Variants in IQGAP2 observed in about 807,000 individuals in gnomAD.
IQGAP2 encodes the protein ras GTPase-activating-like protein IQGAP2.
IQGAP2 carries 173 observed loss-of-function variants against 201.3 expected under a neutral mutation model. The ratio of observed to expected loss-of-function variants is 0.86; its 90% CI spans 0.76 to 0.98. The LOEUF is 0.98. Among genes scored for constraint, IQGAP2 ranks in the 50% least tolerant of loss-of-function variants. The pLI, the probability that IQGAP2 is intolerant of heterozygous loss-of-function variation, is 0.00. For synonymous variants in IQGAP2, 675 were observed against 673.9 expected (o/e 1.00, Z -0.03); for missense variants, 1,687 against 1,864.8 (o/e 0.90, Z 1.76).
chr5:76,668,625 A>G (rs1259682949), intron 22 of IQGAP2, 56 bp from the exon 23 acceptor site: 2 of 1,403,062 alleles, frequency 1.4e-6, no homozygotes, highest in African/African-American at 2.9e-5. Flanking sequence ...TTAATAATAT[A>G]TTAACTTATT....
chr5:76,684,826 G>T (rs1350048608), intron 30 of IQGAP2, among the ~76,000 whole-genome samples: 1 of 152,130 alleles, frequency 6.6e-6, no homozygotes, highest in African/African-American at 2.4e-5. Flanking sequence ...AATGAAGACA[G>T]CATTCATCTC....
intron 8 of IQGAP2, among the ~76,000 whole-genome samples, chr5:76,592,390 G>C (rs1746720970): frequency 6.6e-6 from 1 of 152,070 alleles, no homozygotes; most frequent in Admixed American, 6.5e-5. Context: ...CATTGATTAT[G>C]ATCTCTTTGC....
chr5:76,650,169 A>G (rs1752405288), intron 17 of IQGAP2, among the ~76,000 whole-genome samples: 1 of 152,342 alleles, frequency 6.6e-6, no homozygotes, highest in Non-Finnish European at 1.5e-5. Flanking sequence ...TCAGTTCAAC[A>G]TGAGATTTGG....
Position 76,589,641 on chromosome 5 carries a change from G to A in IQGAP2, c.553G>A (p.Glu185Lys), listed in dbSNP as rs201127307. 6.2e-7 allele frequency: 1 copy of A among 1,602,994 alleles called. No homozygotes were observed. Among genetic ancestry groups the A allele is most frequent in the African/African-American group, 1.3e-5 (1 of 74,638 alleles). Residue 185 changes from glutamate (E) to lysine (K), a missense_variant, in exon 7 of 36, where the codon GAA becomes AAA. Coordinates refer to ENST00000274364, the MANE Select transcript of IQGAP2 (RefSeq NM_006633.5). ...TEEEISNMRK[E>K]LEKYGIQMPS... ...GGAGGAAATCAGTAATATGAGAAAA[G>A]AACTTGAGAAATATGGAATACAGAT...
intron 1 of IQGAP2, among the ~76,000 whole-genome samples, chr5:76,436,073 C>T (rs1752629771): frequency 6.6e-6 from 1 of 152,032 alleles, no homozygotes; most frequent in Non-Finnish European, 1.5e-5. Context: ...GATTTTATAA[C>T]CTGAGACTTT....
intron 2 of IQGAP2, among the ~76,000 whole-genome samples, chr5:76,498,331 G>A (rs1239154165): frequency 6.6e-6 from 1 of 152,176 alleles, no homozygotes; most frequent in Non-Finnish European, 1.5e-5. Flanking sequence ...TTCATTGAAT[G>A]CATCCAAATT....
In IQGAP2 at chr5:76,488,990, A is replaced by G. The variant is rs1345213251; in HGVS notation, c.146+27321A>G. On this transcript the variant is annotated intron_variant, in intron 2 of 35. Transcript: ENST00000274364. ...GTTCCTCCCTTCAGGTAGGAGGTTCAGTAATCATTCAGGGTCACACGACTG... is the reference window on the plus strand; with the variant it reads ...GTTCCTCCCTTCAGGTAGGAGGTTCGGTAATCATTCAGGGTCACACGACTG... Among the ~76,000 whole-genome samples the G allele has an allele frequency of 2.6e-5, 4 of 152,200 alleles. No individual in the cohort carries two copies. The East Asian group carries it at 7.7e-4, about 29-fold the overall frequency.
At chr5:76,635,139 C>T (rs1203735451) in intron 15 of IQGAP2, among the ~76,000 whole-genome samples, 1 of 152,204 alleles carries the variant, frequency 6.6e-6, no homozygotes, top group Non-Finnish European at 1.5e-5. Flanking sequence ...GAAAGAATTA[C>T]ATAATTGTAT....
chr5:76,452,042 GA>G (rs1158983256), intron 1 of IQGAP2, among the ~76,000 whole-genome samples: 1 of 150,316 alleles, frequency 6.7e-6, no homozygotes, highest in Non-Finnish European at 1.5e-5. Context: ...CTTAAAAAAA[GA>G]AAAAAATTTA....
intron 22 of IQGAP2, 48 bp from the exon 23 acceptor site, chr5:76,668,633 A>T (rs765406117): frequency 1.1e-4 from 162 of 1,464,546 alleles, no homozygotes; most frequent in Non-Finnish European, 1.5e-4. Flanking sequence ...ATATTAACTT[A>T]TTGTTTTGTG....
intron 35 of IQGAP2, among the ~76,000 whole-genome samples, chr5:76,703,653 C>A (rs915725333): frequency 8.0e-4 from 108 of 135,672 alleles, no homozygotes; most frequent in South Asian, 9.7e-4. Flanking sequence ...AGTTTCTGTG[C>A]AAAAAAAAAA....
chr5:76,452,876 GA>G (rs1753848009), intron 1 of IQGAP2, among the ~76,000 whole-genome samples: 1 of 147,394 alleles, frequency 6.8e-6, no homozygotes, highest in Non-Finnish European at 1.5e-5. Context: ...TTTCCTATTC[GA>G]AAAATGTATT....
intron 12 of IQGAP2, chr5:76,606,587 G>A (rs1747823869): frequency 5.0e-6 from 1 of 201,362 alleles, no homozygotes; most frequent in Admixed American, 5.9e-5. Flanking sequence ...GCTAAATACA[G>A]AGACAGCTAA....
chr5:76,508,695 GTTTTGTTTTT>G (rs942020636), intron 2 of IQGAP2, among the ~76,000 whole-genome samples: 2 of 149,012 alleles, frequency 1.3e-5, no homozygotes, highest in Non-Finnish European at 3.0e-5. Context: ...TTTTTGTTTT[GTTTTGTTTTT>G]TTTTTTTTAA....
intron 1 of IQGAP2, among the ~76,000 whole-genome samples, chr5:76,437,120 C>T (rs563415471): frequency 7.2e-5 from 11 of 152,008 alleles, no homozygotes; most frequent in African/African-American, 9.7e-5. Context: ...GGCGCAATCT[C>T]GACTCACTGC....
intron 5 of IQGAP2, among the ~76,000 whole-genome samples, chr5:76,586,632 G>A (rs867181918): frequency 1.3e-5 from 2 of 152,348 alleles, no homozygotes; most frequent in Non-Finnish European, 2.9e-5. Flanking sequence ...AAAGAAAATG[G>A]CATTCAGATG....
Position 76,689,230 on chromosome 5 carries a change from T to TTAAAAA in IQGAP2, c.3906-4125_3906-4124insTAAAAA, listed in dbSNP as rs566505116. ...TAATACTACCAAGCACAGGGATATTTAAAAAAAAAAAAAAAAAAAAAAAAA... is the reference window on the plus strand; with the variant it reads ...TAATACTACCAAGCACAGGGATATTTTAAAAAAAAAAAAAAAAAAAAAAAAAAAAAA... On this transcript the variant is annotated intron_variant, in intron 30 of 35. Transcript: ENST00000274364. Among the ~76,000 whole-genome samples, 116 of 86,490 alleles carry TTAAAAA rather than the reference T, an allele frequency of 1.3e-3. 2 individuals carry two copies. The highest frequency in any genetic ancestry group is 4.4e-3 in the African/African-American group (92 of 21,136). The allele number at this position is 86,490 out of a possible 152,430, so 56.7% of individuals were successfully genotyped here. A position where few individuals can be genotyped will look rare whatever the true frequency, so the allele number is the denominator to read the frequency against.
chr5:76,562,262 A>G, intron 2 of IQGAP2, 134 bp from the exon 3 acceptor site: 1 of 633,310 alleles, frequency 1.6e-6, no homozygotes, highest in South Asian at 2.2e-5. Context: ...TTCCCTTCCC[A>G]CCAGTGACAC....
chr5:76,676,077 T>TCTCACACACACACA (rs35972592), intron 27 of IQGAP2, among the ~76,000 whole-genome samples: 1 of 135,592 alleles, frequency 7.4e-6, no homozygotes, highest in African/African-American at 2.8e-5. Context: ...TAAGACTCTG[T>TCTCACACACACACA]CACACACACA....
Sources: allele counts gnomAD v4.1 joint callset (sites outside exome capture counted in the v4.1 genomes callset), GRCh38; gene constraint gnomAD v4.1.1; transcripts MANE v1.5; gene names NCBI Gene and HGNC (gene_info 2026-07-23, HGNC 2026-07-21).